The following STAG2 variants were observed in gnomAD, a reference collection of about 807,000 sequenced individuals.
STAG2 encodes the protein cohesin subunit SA-2.
A neutral mutation model predicts 108.1 loss-of-function variants in STAG2; 14 were observed. The observed-to-expected ratio is 0.13, with a 90% CI of 0.09 to 0.20. STAG2 has a LOEUF of 0.20. Among genes scored for constraint, STAG2 ranks in the 10% least tolerant of loss-of-function variants. STAG2 has a pLI of 1.00. For missense variants in STAG2, 440 were observed against 940.9 expected (o/e 0.47, Z 6.96); for synonymous variants, 307 against 302.7 (o/e 1.01, Z -0.15).
chrX:124,059,498 T>C (rs5958380), intron 15 of STAG2, among the ~76,000 whole-genome samples: 8 of 112,330 alleles, frequency 7.1e-5, no homozygotes, highest in African/African-American at 2.6e-4. Flanking sequence ...TGTAAAATGC[T>C]TCTGCATTAC....
At chrX:123,968,446 G>A (rs1021922506) in intron 1 of STAG2, among the ~76,000 whole-genome samples, 1 of 111,558 alleles carries the variant, frequency 9.0e-6, no homozygotes, top group Non-Finnish European at 1.9e-5. Context: ...GATCTGTTGA[G>A]CCCAGGAGTT....
chrX:124,084,021 C>T (rs148344841), intron 29 of STAG2, among the ~76,000 whole-genome samples: 6 of 111,801 alleles, frequency 5.4e-5, no homozygotes, highest in Non-Finnish European at 1.1e-4. Flanking sequence ...TCCTTTAATT[C>T]TCAAACAGGG....
chrX:124,070,739 C>G (rs768908610), intron 24 of STAG2, among the ~76,000 whole-genome samples: 3 of 110,954 alleles, frequency 2.7e-5, no homozygotes, highest in East Asian at 5.6e-4. Context: ...AGAGTGGTAC[C>G]AAGTTTATAC....
At chrX:124,050,097 A>C (rs746420430) in intron 10 of STAG2, 89 bp from the exon 11 acceptor site, 244 of 1,006,951 alleles carry the variant, frequency 2.4e-4, no homozygotes, top group Non-Finnish European at 3.2e-4. Flanking sequence ...TTCATAGTAG[A>C]TCTGAAGTAC....
At chrX:124,077,140 T>C (rs1199065854) in intron 26 of STAG2, among the ~76,000 whole-genome samples, 2 of 111,588 alleles carry the variant, frequency 1.8e-5, no homozygotes, top group African/African-American at 3.2e-5. Flanking sequence ...AAATAAAATA[T>C]GTAATATATT....
intron 1 of STAG2, among the ~76,000 whole-genome samples, chrX:123,968,442 T>C (rs1342952392): frequency 9.0e-6 from 1 of 111,602 alleles, no homozygotes; most frequent in Non-Finnish European, 1.9e-5. Flanking sequence ...GGAAGATCTG[T>C]TGAGCCCAGG....
At chrX:124,071,418 A>C (rs1438233833) in intron 25 of STAG2, 95 bp downstream of exon 25, 1 of 716,765 alleles carries the variant, frequency 1.4e-6, no homozygotes, top group Non-Finnish European at 2.0e-6. Flanking sequence ...AATATATTTT[A>C]TCCTTAAAAA....
At chrX:124,043,020 A>C (rs2057768162) in intron 7 of STAG2, among the ~76,000 whole-genome samples, 1 of 109,818 alleles carries the variant, frequency 9.1e-6, no homozygotes, top group Admixed American at 9.7e-5. Context: ...ATCAAAAAAA[A>C]AGGAAAAAAA....
intron 1 of STAG2, among the ~76,000 whole-genome samples, chrX:123,990,252 T>G (rs890608258): frequency 8.9e-6 from 1 of 111,782 alleles, no homozygotes; most frequent in African/African-American, 3.3e-5. Flanking sequence ...TAGTGGCCTG[T>G]GATCAGTCTG....
chrX:124,082,291 G>A (rs1291668910), intron 28 of STAG2, among the ~76,000 whole-genome samples: 2 of 111,430 alleles, frequency 1.8e-5, no homozygotes, highest in Non-Finnish European at 3.8e-5. Flanking sequence ...ATCAAAATTG[G>A]AAGTCGTTTT....
chrX:124,031,607 G>A (rs1027668539), intron 5 of STAG2, among the ~76,000 whole-genome samples: 7 of 107,861 alleles, frequency 6.5e-5, no homozygotes, highest in Non-Finnish European at 1.1e-4. Flanking sequence ...CAGTGGAGAC[G>A]GGGTTTCACC....
At position 124,071,311 on chromosome X, in the gene STAG2, A is replaced by T. The variant is rs2058657454; in HGVS notation, c.2521A>T (p.Asn841Tyr). 8.5e-7 allele frequency: 1 copy of T among 1,176,552 alleles called. No homozygotes were observed. Among genetic ancestry groups the T allele is most frequent in the South Asian group, 2.0e-5 (1 of 50,318 alleles). ...TGTCTTCATTGAACAGGATGATGAT[A>T]ATAATAGTGCAGGTAATTTTATTGC... Reference protein sequence around the residue: ...DHVFIEQDDDNNSADGQQEDE... With the variant: ...DHVFIEQDDDYNSADGQQEDE... Residue 841 changes from asparagine to tyrosine, a missense_variant, in exon 25 of 35, where the codon AAT becomes TAT. Coordinates refer to ENST00000371145, the MANE Select transcript of STAG2 (RefSeq NM_001042750.2).
At chrX:124,080,714 G>A (rs909251672) in intron 27 of STAG2, among the ~76,000 whole-genome samples, 4 of 110,635 alleles carry the variant, frequency 3.6e-5, no homozygotes, top group Non-Finnish European at 7.6e-5. Context: ...ACACATAATT[G>A]TACATATTTA....
At chrX:123,987,001 T>A (rs763262498) in intron 1 of STAG2, among the ~76,000 whole-genome samples, 72 of 109,285 alleles carry the variant, frequency 6.6e-4, no homozygotes, top group African/African-American at 1.1e-3. Flanking sequence ...ATTTTTTTTT[T>A]AATTTTTTTT....
chrX:124,096,177 T>C (rs900151914), intron 34 of STAG2, among the ~76,000 whole-genome samples: 2 of 81,334 alleles, frequency 2.5e-5, no homozygotes, highest in African/African-American at 7.8e-5. Flanking sequence ...CTTTTATTGA[T>C]TTTTTTCCCC....
Position 124,050,515 on chromosome X carries a change from C to T in STAG2, c.1017+206C>T, listed in dbSNP as rs748705408. The stretch of plus-strand genomic sequence containing the variant: ...TTTGAATCCTGGCCACTGATTTAAC[C>T]ATTAATGGTGAATCATTTTTTTGCT... On this transcript the variant is annotated intron_variant, in intron 11 of 34. Transcript: ENST00000371145. Among the ~76,000 whole-genome samples the T allele has an allele frequency of 2.7e-5, 3 of 111,351 alleles. No individual in the cohort carries two copies. In the South Asian group the frequency reaches 1.1e-3, roughly 42 times the overall value.
intron 30 of STAG2, among the ~76,000 whole-genome samples, 158 bp downstream of exon 30, chrX:124,086,928 A>C (rs1391250252): frequency 1.2e-4 from 13 of 112,854 alleles, no homozygotes; most frequent in Non-Finnish European, 2.2e-4. Flanking sequence ...TTTTAGATAC[A>C]TAAACTCAGT....
At chrX:123,981,528 A>G (rs1395185935) in intron 1 of STAG2, among the ~76,000 whole-genome samples, 1 of 111,663 alleles carries the variant, frequency 9.0e-6, no homozygotes. Context: ...TATATACCAT[A>G]TTTTGCTTAT....
At chrX:124,031,693 C>T (rs947679698) in intron 5 of STAG2, among the ~76,000 whole-genome samples, 3 of 107,903 alleles carry the variant, frequency 2.8e-5, no homozygotes, top group African/African-American at 1.0e-4. Context: ...GCTGGGATTA[C>T]AGGCGGAAGC....
Sources: gnomAD v4.1 joint callset for allele counts (sites outside exome capture counted in the v4.1 genomes callset) on GRCh38, gnomAD v4.1.1 for gene constraint, MANE v1.5 for transcripts, NCBI Gene and HGNC (gene_info 2026-07-23, HGNC 2026-07-21) for gene names.